Variants in PRKAR2B observed in about 807,000 individuals in gnomAD.
PRKAR2B encodes the protein protein kinase cAMP-dependent type II regulatory subunit beta, also known as cAMP-dependent protein kinase type II-beta regulatory subunit.
PRKAR2B carries 14 observed loss-of-function variants against 49.9 expected under a neutral mutation model. The observed-to-expected ratio is 0.28, with a 90% confidence interval of 0.19 to 0.44. The LOEUF is 0.44. Ranked by LOEUF, PRKAR2B falls within the 20% of genes least tolerant of loss-of-function variation. The pLI, the probability that PRKAR2B is intolerant of heterozygous loss-of-function variation, is 1.00. For synonymous variants in PRKAR2B, 196 were observed against 197.7 expected (o/e 0.99, Z 0.07); for missense variants, 393 against 537.9 (o/e 0.73, Z 2.67).
rs139275352 is a variant in PRKAR2B at position 107,059,911 on chromosome 7, C to A, written c.308-10370C>A. Among the ~76,000 whole-genome samples the A allele has an allele frequency of 1.2e-3, 189 of 151,890 alleles. 1 individual carries two copies. The East Asian group carries it at 0.035, about 28-fold the overall frequency. ...GCGTGATAGCTTACGGTGGAGTTTT[C>A]CAGAGGGTATATGATGTATGATATT... is the stretch of plus-strand genomic sequence containing the variant. On this transcript the variant is annotated intron_variant, in intron 1 of 10. Coordinates refer to ENST00000265717, the MANE Select transcript of PRKAR2B (RefSeq NM_002736.3).
chr7:107,100,233 T>C (rs563960088), intron 2 of PRKAR2B, among the ~76,000 whole-genome samples: 3 of 152,302 alleles, frequency 2.0e-5, no homozygotes, highest in Non-Finnish European at 2.9e-5. Context: ...GGACATGAGT[T>C]CATTTCACTG....
At chr7:107,130,395 G>C (rs931032356) in intron 4 of PRKAR2B, among the ~76,000 whole-genome samples, 2 of 152,000 alleles carry the variant, frequency 1.3e-5, no homozygotes, top group Non-Finnish European at 2.9e-5. Context: ...CCAGCTACTA[G>C]GGAGGCTGAG....
chr7:107,061,244 A>G (rs1794021396), intron 1 of PRKAR2B, among the ~76,000 whole-genome samples: 1 of 152,044 alleles, frequency 6.6e-6, no homozygotes, highest in Non-Finnish European at 1.5e-5. Context: ...TAAAACTTTT[A>G]GGATATGCTT....
At chr7:107,118,682 A>G (rs745539861) in intron 2 of PRKAR2B, among the ~76,000 whole-genome samples, 3 of 152,192 alleles carry the variant, frequency 2.0e-5, no homozygotes, top group Non-Finnish European at 2.9e-5. Context: ...TGGAGTTTCC[A>G]GAATTAGTTC....
At chr7:107,105,619 G>A (rs1022823478) in intron 2 of PRKAR2B, among the ~76,000 whole-genome samples, 3 of 152,186 alleles carry the variant, frequency 2.0e-5, no homozygotes, top group Non-Finnish European at 4.4e-5. Context: ...TGTGGAGATG[G>A]TAAGGTGTCA....
At chr7:107,101,604 G>A (rs1055316741) in intron 2 of PRKAR2B, among the ~76,000 whole-genome samples, 1 of 152,120 alleles carries the variant, frequency 6.6e-6, no homozygotes, top group Non-Finnish European at 1.5e-5. Context: ...AGGACCAAGC[G>A]TCAGGCTCTC....
chr7:107,094,829 A>T (rs1794804746), intron 2 of PRKAR2B, among the ~76,000 whole-genome samples: 1 of 151,992 alleles, frequency 6.6e-6, no homozygotes, highest in Non-Finnish European at 1.5e-5. Context: ...GATGTGTGGT[A>T]TTATTTCTGA....
intron 2 of PRKAR2B, among the ~76,000 whole-genome samples, chr7:107,117,038 A>T (rs1795288871): frequency 7.3e-6 from 1 of 136,838 alleles, no homozygotes; most frequent in South Asian, 2.3e-4. Flanking sequence ...ATCATCCCCT[A>T]CCCCCAGTCT....
At chr7:107,122,548 A>G (rs1472564895) in intron 3 of PRKAR2B, among the ~76,000 whole-genome samples, 1 of 152,190 alleles carries the variant, frequency 6.6e-6, no homozygotes, top group East Asian at 1.9e-4. Flanking sequence ...CAGTTCTACT[A>G]TTTATTTAGT....
At position 107,122,001 on chromosome 7, in the gene PRKAR2B, C is replaced by A; in HGVS notation, c.393C>A (p.Ser131=). ...ATGAAGAAGAAGATGATGCAGAGTC[C>A]AGGGTATGTAATTTACTGAATGAAT... is the stretch of plus-strand genomic sequence containing the variant. ...NPDEEEDDAE[S]RIIHPKTDDQ... Residue 131 remains serine, a synonymous_variant, in exon 3 of 11, where the codon TCC becomes TCA. Coordinates refer to ENST00000265717, the MANE Select transcript of PRKAR2B (RefSeq NM_002736.3). 6.3e-7 allele frequency: 1 copy of A among 1,586,136 alleles called. No individual in the cohort carries two copies. Among genetic ancestry groups the A allele is most frequent in the Admixed American group, 1.7e-5 (1 of 57,904 alleles).
intron 6 of PRKAR2B, 42 bp downstream of exon 6, chr7:107,146,503 G>C (rs370152941): frequency 2.5e-6 from 4 of 1,582,658 alleles, no homozygotes; most frequent in African/African-American, 2.7e-5. Context: ...ATGATTTGTA[G>C]CAATTGCTAT....
At chr7:107,052,835 A>AT in intron 1 of PRKAR2B, among the ~76,000 whole-genome samples, 1 of 152,154 alleles carries the variant, frequency 6.6e-6, no homozygotes, top group East Asian at 1.9e-4. Context: ...TGTTTATTTT[A>AT]TTTTATTTTG....
At chr7:107,146,248 A>G in intron 5 of PRKAR2B, 60 bp from the exon 6 acceptor site, 1 of 1,520,668 alleles carries the variant, frequency 6.6e-7, no homozygotes, top group South Asian at 1.2e-5. Flanking sequence ...TTTCTGAAAT[A>G]ATGTTTTATT....
At chr7:107,098,501 G>T (rs1794893401) in intron 2 of PRKAR2B, among the ~76,000 whole-genome samples, 1 of 152,152 alleles carries the variant, frequency 6.6e-6, no homozygotes, top group African/African-American at 2.4e-5. Context: ...ATTGTCTGAA[G>T]CCGCCTTCTC....
At chr7:107,090,031 T>C (rs1776833349) in intron 2 of PRKAR2B, among the ~76,000 whole-genome samples, 1 of 152,242 alleles carries the variant, frequency 6.6e-6, no homozygotes, top group South Asian at 2.1e-4. Context: ...TGTCATGATC[T>C]TTTTAAACAC....
intron 2 of PRKAR2B, among the ~76,000 whole-genome samples, chr7:107,104,223 T>C (rs1795030199): frequency 6.6e-6 from 1 of 151,918 alleles, no homozygotes; most frequent in East Asian, 1.9e-4. Flanking sequence ...TTAGTAGAGA[T>C]GGGGTTTCAC....
rs905660794 is a variant in PRKAR2B at position 107,066,276 on chromosome 7, A to G, written c.308-4005A>G. The stretch of plus-strand genomic sequence containing the variant: ...GTTTCCTATTTTTTCGTTCTATCCT[A>G]GTCTCTAGTTTTCTCTCTATGTGGG... On this transcript the variant is annotated intron_variant, in intron 1 of 10. Coordinates refer to ENST00000265717, the MANE Select transcript of PRKAR2B (RefSeq NM_002736.3). 3.4e-5 allele frequency among the ~76,000 whole-genome samples: 5 copies of G among 146,598 alleles called. No homozygotes were observed. In the South Asian group the frequency reaches 1.1e-3, roughly 32 times the overall value.
At chr7:107,052,194 G>A (rs1302583211) in intron 1 of PRKAR2B, among the ~76,000 whole-genome samples, 6 of 152,088 alleles carry the variant, frequency 3.9e-5, no homozygotes, top group Admixed American at 1.3e-4. Context: ...CGATGCGGGC[G>A]GATCACCTGA....
At chr7:107,065,318 GTGTA>G (rs1416322808) in intron 1 of PRKAR2B, among the ~76,000 whole-genome samples, 918 of 54,980 alleles carry the variant, frequency 0.017, 9 homozygotes, top group African/African-American at 0.094. Flanking sequence ...CTCGGGGTGT[GTGTA>G]TGTGTGTGTG....
Sources: allele counts gnomAD v4.1 joint callset (sites outside exome capture counted in the v4.1 genomes callset), GRCh38; gene constraint gnomAD v4.1.1; transcripts MANE v1.5; gene names NCBI Gene and HGNC (gene_info 2026-07-23, HGNC 2026-07-21).